ELAPOR1: variants seen among roughly 807,000 people sequenced by gnomAD.
The protein encoded by ELAPOR1 is endosome/lysosome-associated apoptosis and autophagy regulator 1.
In ELAPOR1, 77 loss-of-function variants were observed where a neutral mutation model predicts 119.7. The observed-to-expected ratio is 0.64, with a 90% CI of 0.54 to 0.78. ELAPOR1 has a LOEUF of 0.78. Ranked by LOEUF, ELAPOR1 falls within the 30% of genes least tolerant of loss-of-function variation. The pLI is 0.00. For missense variants in ELAPOR1, 1,115 were observed against 1,270.4 expected (o/e 0.88, Z 1.86); for synonymous variants, 481 against 487.2 (o/e 0.99, Z 0.17).
At position 109,197,740 on chromosome 1, in the gene ELAPOR1, A is replaced by G; in HGVS notation, c.2302+86A>G. On this transcript the variant is annotated intron_variant, in intron 16 of 21. Transcript: ENST00000369939. ...ATGTGTAAGAGAGTGTGAGGTTACC[A>G]GTCTGGGAGGTAAAAGGCCCCACAT... is the stretch of plus-strand genomic sequence containing the variant. 2.8e-6 allele frequency: 4 copies of G among 1,415,708 alleles called. No individual in the cohort carries two copies. In the South Asian group the frequency reaches 5.5e-5, roughly 20 times the overall value. 87.7% of individuals were successfully genotyped at this position (1,415,708 alleles called of 1,614,324 possible). A position where few individuals can be genotyped will look rare whatever the true frequency, so the allele number is the denominator to read the frequency against.
intron 7 of ELAPOR1, among the ~76,000 whole-genome samples, chr1:109,179,560 G>T (rs1159460496): frequency 6.6e-6 from 1 of 152,116 alleles, no homozygotes; most frequent in East Asian, 1.9e-4. Context: ...GTCCTTCTGT[G>T]CTATTGTAGG....
chr1:109,191,134 TG>T (rs1450534342), intron 11 of ELAPOR1, among the ~76,000 whole-genome samples: 1 of 152,012 alleles, frequency 6.6e-6, no homozygotes, highest in Admixed American at 6.6e-5. Flanking sequence ...CCCGCGATGA[TG>T]GGGGGTAGGT....
At chr1:109,117,781 T>C (rs574298708) in intron 1 of ELAPOR1, among the ~76,000 whole-genome samples, 1 of 152,032 alleles carries the variant, frequency 6.6e-6, no homozygotes, top group Admixed American at 6.6e-5. Flanking sequence ...AAGATTAACA[T>C]GTGGTAAACA....
chr1:109,158,177 T>C (rs1558038348), intron 1 of ELAPOR1, among the ~76,000 whole-genome samples: 1 of 152,182 alleles, frequency 6.6e-6, no homozygotes. Flanking sequence ...TGTGAGCCAC[T>C]GCGTCTGGCC....
chr1:109,135,278 CT>C (rs1320957882), intron 1 of ELAPOR1, among the ~76,000 whole-genome samples: 2 of 152,048 alleles, frequency 1.3e-5, no homozygotes, highest in African/African-American at 4.8e-5. Flanking sequence ...GAGTCTCGCT[CT>C]GTCCCCGAGG....
chr1:109,189,065 G>T lies in ELAPOR1; in HGVS notation c.1220-1G>T, dbSNP rs201736508. The T allele has an allele frequency of 8.1e-6, 13 of 1,613,462 alleles. No homozygotes were observed. In the East Asian group the frequency reaches 2.9e-4, roughly 36 times the overall value. ...CATGGATCTTGTTTGTGGTTCCCCAGACTGTACCCGCTGCCCTGCAGGGAC... is the reference window on the plus strand; with the variant it reads ...CATGGATCTTGTTTGTGGTTCCCCATACTGTACCCGCTGCCCTGCAGGGAC... On this transcript the variant is annotated splice_acceptor_variant, in intron 9 of 21. Transcript: ENST00000369939. LOFTEE classifies it high-confidence loss of function.
At chr1:109,138,801 T>A (rs2100994466) in intron 1 of ELAPOR1, among the ~76,000 whole-genome samples, 1 of 128,488 alleles carries the variant, frequency 7.8e-6, no homozygotes, top group Admixed American at 8.8e-5. Flanking sequence ...GCCATTGCAC[T>A]CTAGCCTGGG....
At chr1:109,189,345 G>A (rs1037349857) in intron 10 of ELAPOR1, 151 bp downstream of exon 10, 2 of 1,068,426 alleles carry the variant, frequency 1.9e-6, no homozygotes, top group Non-Finnish European at 2.7e-6. Context: ...ATGGACATAT[G>A]TTCTGCCAAG....
intron 1 of ELAPOR1, among the ~76,000 whole-genome samples, chr1:109,140,694 C>T (rs566541974): frequency 5.5e-4 from 84 of 152,200 alleles, no homozygotes; most frequent in African/African-American, 1.9e-3. Flanking sequence ...ACAAGGGCAC[C>T]GCTCCTGGCT....
At chr1:109,186,198 A>G (rs1653033517) in intron 8 of ELAPOR1, among the ~76,000 whole-genome samples, 1 of 151,696 alleles carries the variant, frequency 6.6e-6, no homozygotes, top group African/African-American at 2.4e-5. Context: ...ATGAGGGAGG[A>G]GCCGTGGAGC....
intron 1 of ELAPOR1, among the ~76,000 whole-genome samples, chr1:109,141,232 T>A (rs1246463765): frequency 6.6e-6 from 1 of 152,082 alleles, no homozygotes; most frequent in Non-Finnish European, 1.5e-5. Flanking sequence ...TAATATAAAT[T>A]GTTAGCAGAT....
chr1:109,158,522 C>T (rs1049544471), intron 1 of ELAPOR1, among the ~76,000 whole-genome samples: 6 of 152,030 alleles, frequency 3.9e-5, no homozygotes, highest in African/African-American at 7.2e-5. Flanking sequence ...GGTGACGCTA[C>T]GGAAGGATGC....
chr1:109,150,811 G>A (rs957817331), intron 1 of ELAPOR1, among the ~76,000 whole-genome samples: 1 of 152,206 alleles, frequency 6.6e-6, no homozygotes, highest in Non-Finnish European at 1.5e-5. Context: ...TTGAAAATCA[G>A]TGGGTTAAAG....
chr1:109,156,475 C>G (rs1300204882), intron 1 of ELAPOR1, among the ~76,000 whole-genome samples: 1 of 152,208 alleles, frequency 6.6e-6, no homozygotes. Flanking sequence ...CTGTACTCAT[C>G]AAACAGTAAG....
chr1:109,122,769 C>A (rs533048539), intron 1 of ELAPOR1, among the ~76,000 whole-genome samples: 1 of 152,182 alleles, frequency 6.6e-6, no homozygotes, highest in South Asian at 2.1e-4. Context: ...CCAGCCTGGG[C>A]AACATGGTGA....
chr1:109,116,447 T>A (rs1220920488), intron 1 of ELAPOR1, among the ~76,000 whole-genome samples: 1 of 152,190 alleles, frequency 6.6e-6, no homozygotes, highest in Non-Finnish European at 1.5e-5. Flanking sequence ...CCATGCCAGA[T>A]TGGAAATGGC....
intron 14 of ELAPOR1, among the ~76,000 whole-genome samples, chr1:109,194,091 G>A (rs574892285): frequency 6.6e-6 from 1 of 152,224 alleles, no homozygotes; most frequent in African/African-American, 2.4e-5. Flanking sequence ...ATTGTCTTCT[G>A]CTGGAAAGTA....
intron 7 of ELAPOR1, among the ~76,000 whole-genome samples, chr1:109,175,480 T>C (rs1055179537): frequency 5.3e-5 from 8 of 149,712 alleles, no homozygotes; most frequent in Non-Finnish European, 8.9e-5. Context: ...GGGTTACAGG[T>C]GTGAGCCACC....
intron 1 of ELAPOR1, among the ~76,000 whole-genome samples, chr1:109,120,164 G>T (rs913085907): frequency 6.6e-6 from 1 of 152,092 alleles, no homozygotes; most frequent in Non-Finnish European, 1.5e-5. Context: ...TTGGGAGGCC[G>T]AGGCAGGCTG....
Sources: gnomAD v4.1 joint callset for allele counts (sites outside exome capture counted in the v4.1 genomes callset) on GRCh38, gnomAD v4.1.1 for gene constraint, MANE v1.5 for transcripts, NCBI Gene and HGNC (gene_info 2026-07-23, HGNC 2026-07-21) for gene names.